The following NALCN variants were observed in gnomAD, a reference collection of about 807,000 sequenced individuals.
NALCN encodes the protein sodium leak channel NALCN.
NALCN carries 111 observed loss-of-function variants against 225.3 expected under a neutral mutation model. That is an observed-to-expected ratio of 0.49 (90% CI 0.42 to 0.58). The LOEUF is 0.58. Ranked by LOEUF, NALCN falls within the 20% of genes least tolerant of loss-of-function variation. The pLI, the probability that NALCN is intolerant of heterozygous loss-of-function variation, is 0.00. For synonymous variants in NALCN, 764 were observed against 769.0 expected, an observed-to-expected ratio of 0.99 and a Z score of 0.11; for missense variants, 1,378 against 2,202.4, an observed-to-expected ratio of 0.63 and a Z score of 7.49.
intron 11 of NALCN, among the ~76,000 whole-genome samples, chr13:101,256,907 G>A (rs983431808): frequency 1.3e-5 from 2 of 151,742 alleles, no homozygotes; most frequent in East Asian, 1.9e-4. Context: ...GGGATTACAG[G>A]TGCCCGACAC....
intron 1 of NALCN, among the ~76,000 whole-genome samples, chr13:101,413,692 T>C (rs879672157): frequency 6.6e-6 from 1 of 152,176 alleles, no homozygotes; most frequent in Non-Finnish European, 1.5e-5. Flanking sequence ...CTGTTTACTC[T>C]TTTTTCTCTA....
intron 11 of NALCN, among the ~76,000 whole-genome samples, chr13:101,246,718 C>A (rs2041908669): frequency 6.6e-6 from 1 of 152,182 alleles, no homozygotes; most frequent in Admixed American, 6.5e-5. Context: ...ACAATAATGT[C>A]AAAGACTGCT....
chr13:101,311,034 A>C (rs950229669), intron 7 of NALCN, among the ~76,000 whole-genome samples: 16 of 151,714 alleles, frequency 1.1e-4, no homozygotes, highest in East Asian at 1.9e-4. Context: ...CTTTTATTTC[A>C]TTGAGCAGTG....
At chr13:101,151,792 A>G (rs2037663673) in intron 15 of NALCN, among the ~76,000 whole-genome samples, 1 of 152,234 alleles carries the variant, frequency 6.6e-6, no homozygotes, top group Admixed American at 6.5e-5. Context: ...CAGTCAAAAC[A>G]GATGGGGCAT....
chr13:101,061,934 G>C (rs150676137), intron 41 of NALCN, 34 bp downstream of exon 41: 2 of 1,588,382 alleles, frequency 1.3e-6, no homozygotes, highest in African/African-American at 2.7e-5. Flanking sequence ...GGGGCGGGGC[G>C]GGGACCCAAC....
intron 13 of NALCN, among the ~76,000 whole-genome samples, chr13:101,216,259 A>G (rs922935311): frequency 6.6e-6 from 1 of 152,168 alleles, no homozygotes; most frequent in Admixed American, 6.6e-5. Context: ...AGCAATTAGC[A>G]GGAGAAATAG....
chr13:101,214,538 A>C (rs978442003), intron 13 of NALCN, among the ~76,000 whole-genome samples: 10 of 152,030 alleles, frequency 6.6e-5, no homozygotes, highest in Admixed American at 3.3e-4. Context: ...TCCTGTATGG[A>C]AAAAAATGAT....
chr13:101,197,586 A>T (rs1028312565), intron 13 of NALCN, among the ~76,000 whole-genome samples: 2 of 152,172 alleles, frequency 1.3e-5, no homozygotes, highest in African/African-American at 4.8e-5. Flanking sequence ...CATATTAAAC[A>T]TCACTATACG....
chr13:101,082,082 T>C (rs1383077167), intron 33 of NALCN, among the ~76,000 whole-genome samples: 1 of 152,138 alleles, frequency 6.6e-6, no homozygotes, highest in African/African-American at 2.4e-5. Context: ...TTCACCACGT[T>C]GGCCAGGCTG....
Position 101,103,339 on chromosome 13 carries a change from C to A in NALCN, c.2890G>T (p.Val964Leu). The part of the protein sequence containing the change: ...GGVMDIFIYL[V>L]SLIFLCWMPQ... Reference sequence around the variant, plus strand: ...ATCCAACAAAGAAATATCAAGCTCACCTAAAGGGGAACAAATGATCTCTGG... The same window carrying A: ...ATCCAACAAAGAAATATCAAGCTCAACTAAAGGGGAACAAATGATCTCTGG... Residue 964 changes from valine to leucine, a missense_variant and splice_region_variant, in exon 26 of 44, where the codon GTG (valine) becomes TTG (leucine). By Grantham distance (32) the Val-to-Leu change is conservative. This residue lies in a region of NALCN where 292 missense variants were observed against 409.5 expected (regional missense o/e 0.71). Coordinates refer to ENST00000251127, the MANE Select transcript of NALCN (RefSeq NM_052867.4). 2 of 1,603,244 alleles carry A rather than the reference C, an allele frequency of 1.2e-6. No individual in the cohort carries two copies. Among genetic ancestry groups the A allele is most frequent in the South Asian group, 2.3e-5 (2 of 88,744 alleles).
At chr13:101,361,205 T>G (rs74117886) in intron 6 of NALCN, among the ~76,000 whole-genome samples, 7,383 of 152,194 alleles carry the variant, frequency 0.049, 603 homozygotes, top group African/African-American at 0.17. Context: ...TTATTATGGT[T>G]TCTATCATGG....
chr13:101,415,208 C>CATATATATATATATATATATATATAT lies in NALCN; in HGVS notation c.-40+1104_-40+1105insATATATATATATATATATATATATAT, dbSNP rs1030463057. On this transcript the variant is annotated intron_variant, in intron 1 of 43. Coordinates refer to ENST00000251127, the MANE Select transcript of NALCN (RefSeq NM_052867.4). The stretch of plus-strand genomic sequence containing the variant: ...TAGTTATGAACATACAAATCACACA[C>CATATATATATATATATATATATATAT]ATATATATATATATATACATACATA... 6.5e-4 allele frequency among the ~76,000 whole-genome samples: 70 copies of CATATATATATATATATATATATATAT among 107,774 alleles called. No individual in the cohort carries two copies. The Middle Eastern group carries it at 0.014, about 22-fold the overall frequency. The allele number at this position is 107,774 out of a possible 152,430, so 70.7% of individuals were successfully genotyped here.
rs1178213247 is a variant in NALCN at position 101,067,879 on chromosome 13, CT to C, written c.4446+38del. ...GTGTTTGAGACATGTTGATAAGTCT[CT>C]TTGAGGTGAGGCATGAAACAACAAC... On this transcript the variant is annotated intron_variant, in intron 39 of 43. Coordinates refer to ENST00000251127, the MANE Select transcript of NALCN (RefSeq NM_052867.4). 2.2e-6 allele frequency: 3 copies of C among 1,368,158 alleles called. No individual in the cohort carries two copies. The South Asian group carries it at 3.6e-5, about 16-fold the overall frequency. 84.8% of individuals were successfully genotyped at this position (1,368,158 alleles called of 1,614,324 possible). A position where few individuals can be genotyped will look rare whatever the true frequency, so the allele number is the denominator to read the frequency against.
chr13:101,131,603 C>T (rs1331698348), intron 17 of NALCN, among the ~76,000 whole-genome samples: 1 of 152,068 alleles, frequency 6.6e-6, no homozygotes, highest in Admixed American at 6.6e-5. Flanking sequence ...CACTCCTGGA[C>T]TTTTTATTTC....
chr13:101,058,067 G>T lies in NALCN; in HGVS notation c.4906-11C>A, dbSNP rs555955525. On this transcript the variant is annotated splice_polypyrimidine_tract_variant and intron_variant, in intron 42 of 43. Coordinates refer to ENST00000251127, the MANE Select transcript of NALCN (RefSeq NM_052867.4). ...CTGCTGGCTGCTTGTCTGCATGGGA[G>T]GAGAAGCACACAGTTACCGTCTTTT... is the stretch of plus-strand genomic sequence containing the variant. 2.0e-5 allele frequency: 32 copies of T among 1,607,502 alleles called. No homozygotes were observed. In the African/African-American group the frequency reaches 3.7e-4, roughly 19 times the overall value.
At chr13:101,174,673 G>A (rs2038886053) in intron 15 of NALCN, among the ~76,000 whole-genome samples, 1 of 152,054 alleles carries the variant, frequency 6.6e-6, no homozygotes, top group African/African-American at 2.4e-5. Context: ...TGAAAAAATT[G>A]CTACATACAA....
intron 15 of NALCN, among the ~76,000 whole-genome samples, chr13:101,175,714 T>C (rs1441629669): frequency 2.6e-5 from 4 of 152,228 alleles, no homozygotes; most frequent in South Asian, 2.1e-4. Flanking sequence ...ATAGGAATGA[T>C]TGACGATAGC....
At chr13:101,164,456 T>A (rs1263671647) in intron 15 of NALCN, among the ~76,000 whole-genome samples, 1 of 152,150 alleles carries the variant, frequency 6.6e-6, no homozygotes, top group Non-Finnish European at 1.5e-5. Flanking sequence ...CACACTGCGA[T>A]AATTTTTATT....
At chr13:101,110,748 T>C in intron 19 of NALCN, 60 bp from the exon 20 acceptor site, 10 of 1,537,502 alleles carry the variant, frequency 6.5e-6, no homozygotes, top group Non-Finnish European at 8.1e-6. Flanking sequence ...TTTCAAGCAG[T>C]GACCATGATA....
Sources: allele counts gnomAD v4.1 joint callset (sites outside exome capture counted in the v4.1 genomes callset), GRCh38; gene constraint gnomAD v4.1.1; regional missense constraint gnomAD v4.1.1; transcripts MANE v1.5; gene names NCBI Gene and HGNC (gene_info 2026-07-23, HGNC 2026-07-21).